Variants in ANKFN1 observed in about 807,000 individuals in gnomAD.
ANKFN1 encodes ankyrin repeat and fibronectin type-III domain-containing protein 1.
ANKFN1 carries 74 observed loss-of-function variants against 108.7 expected under a neutral mutation model. That is an observed-to-expected ratio of 0.68 (90% CI 0.56 to 0.83). ANKFN1 has a LOEUF of 0.83. Among genes scored for constraint, ANKFN1 ranks in the 40% least tolerant of loss-of-function variants. The pLI is 0.00. For synonymous variants in ANKFN1, 547 were observed against 516.2 expected (o/e 1.06, Z -0.81); for missense variants, 1,505 against 1,382.3 (o/e 1.09, Z -1.41).
intron 18 of ANKFN1, among the ~76,000 whole-genome samples, chr17:56,491,371 T>G (rs1036034565): frequency 6.6e-6 from 1 of 152,140 alleles, no homozygotes; most frequent in Non-Finnish European, 1.5e-5. Flanking sequence ...TTCCTCATCC[T>G]ACTAGAATCC....
At chr17:56,150,039 A>AT (rs1908504552), upstream of ANKFN1, among the ~76,000 whole-genome samples, 1 of 152,100 alleles carries the variant, frequency 6.6e-6, no homozygotes, top group Non-Finnish European at 1.5e-5. Context: ...GCATGTTGAC[A>AT]TTTTTTATGA....
intron 6 of ANKFN1, 134 bp downstream of exon 6, chr17:56,354,180 C>T: frequency 1.3e-6 from 1 of 785,966 alleles, no homozygotes; most frequent in East Asian, 2.7e-5. Context: ...TGGATGTTTT[C>T]ATGGGCTTTC....
chr17:56,471,475 C>G (rs976550327), intron 15 of ANKFN1: 1 of 152,138 alleles, frequency 6.6e-6, no homozygotes, highest in Non-Finnish European at 1.5e-5. Context: ...CTTTCTACCC[C>G]CAAGCAGCTC....
chr17:56,484,027 A>C (rs542376044), intron 18 of ANKFN1, among the ~76,000 whole-genome samples: 81 of 152,214 alleles, frequency 5.3e-4, no homozygotes, highest in Non-Finnish European at 1.1e-3. Context: ...CATGGAGGGA[A>C]GGGTATCTGA....
At chr17:56,117,343 G>T (rs1906344684) in intron 4 of ANKFN1, among the ~76,000 whole-genome samples, 1 of 152,134 alleles carries the variant, frequency 6.6e-6, no homozygotes, top group Non-Finnish European at 1.5e-5. Flanking sequence ...TGCATCATTA[G>T]GAGACTATTC....
intron 4 of ANKFN1, among the ~76,000 whole-genome samples, chr17:56,329,770 A>G (rs1042394353): frequency 2.0e-5 from 3 of 152,088 alleles, no homozygotes; most frequent in African/African-American, 7.2e-5. Flanking sequence ...TGAAATCTTA[A>G]CCCCCAAGGT....
intron 1 of ANKFN1, among the ~76,000 whole-genome samples, chr17:56,185,634 C>T (rs1482033347): frequency 6.6e-6 from 1 of 152,116 alleles, no homozygotes; most frequent in African/African-American, 2.4e-5. Flanking sequence ...GCAAACTGCT[C>T]CCTCCCACCA....
intron 9 of ANKFN1, among the ~76,000 whole-genome samples, chr17:56,441,620 A>G (rs2049109023): frequency 6.6e-6 from 1 of 152,096 alleles, no homozygotes; most frequent in South Asian, 2.1e-4. Flanking sequence ...TCATTGCTTA[A>G]AAGAAAAAGT....
chr17:56,219,698 G>C (rs1182935627), intron 2 of ANKFN1, among the ~76,000 whole-genome samples: 2 of 152,152 alleles, frequency 1.3e-5, no homozygotes, highest in Non-Finnish European at 2.9e-5. Context: ...TTCTTAATCT[G>C]GGATTGGCAT....
intron 3 of ANKFN1, among the ~76,000 whole-genome samples, chr17:56,301,677 A>C (rs62073047): frequency 6.6e-6 from 1 of 152,180 alleles, no homozygotes; most frequent in Admixed American, 6.5e-5. Context: ...GCTTCTCTCC[A>C]TCACTAAATT....
Position 56,388,829 on chromosome 17 carries a change from A to T in ANKFN1, c.910+14115A>T, listed in dbSNP as rs533440809. Among the ~76,000 whole-genome samples the T allele has an allele frequency of 2.0e-5, 3 of 152,250 alleles. No individual in the cohort carries two copies. In the South Asian group the frequency reaches 6.2e-4, roughly 32 times the overall value. ...GTAATAACTCACTAGGGTTGCCATT[A>T]GGGAAATGCAAATTAAAACTGCAAT... On this transcript the variant is annotated intron_variant, in intron 8 of 20. Transcript: ENST00000682825.
chr17:56,186,904 C>A (rs557636589), intron 1 of ANKFN1, among the ~76,000 whole-genome samples: 35 of 152,342 alleles, frequency 2.3e-4, no homozygotes, highest in Non-Finnish European at 3.8e-4. Flanking sequence ...GAAACTGGAT[C>A]TCTTCCTTAC....
intron 11 of ANKFN1, among the ~76,000 whole-genome samples, chr17:56,452,064 T>A (rs1419656063): frequency 5.9e-5 from 9 of 152,220 alleles, no homozygotes; most frequent in Non-Finnish European, 1.2e-4. Flanking sequence ...GTGGGTACAC[T>A]GATGTACATA....
intron 4 of ANKFN1, among the ~76,000 whole-genome samples, chr17:56,108,112 T>C (rs1905784369): frequency 6.6e-6 from 1 of 152,196 alleles, no homozygotes; most frequent in African/African-American, 2.4e-5. Flanking sequence ...TCAGCCTAAT[T>C]GCAACCTCTG....
At chr17:56,336,015 G>A (rs1031883180) in intron 4 of ANKFN1, among the ~76,000 whole-genome samples, 3 of 152,136 alleles carry the variant, frequency 2.0e-5, no homozygotes, top group East Asian at 1.9e-4. Context: ...AATGGATTAC[G>A]TTTATTGATT....
chr17:56,128,477 G>C (rs1216234034), intron 4 of ANKFN1, among the ~76,000 whole-genome samples: 1 of 152,158 alleles, frequency 6.6e-6, no homozygotes, highest in Non-Finnish European at 1.5e-5. Context: ...TTCTTTCGTT[G>C]AGTATAGGAG....
At position 56,466,530 on chromosome 17, in the gene ANKFN1, G is replaced by A. The variant is rs1268403813; in HGVS notation, c.1732G>A (p.Glu578Lys). The A allele has an allele frequency of 6.2e-7, 1 of 1,613,704 alleles. No individual in the cohort carries two copies. Among genetic ancestry groups the A allele is most frequent in the East Asian group, 2.2e-5 (1 of 44,802 alleles). The change falls in exon 15 of 21, where the codon GAG (glutamate) becomes AAG (lysine). Residue 578 changes from glutamate (E) to lysine (K), a missense_variant. Glu to Lys is a moderately conservative substitution (Grantham distance 56). Coordinates refer to ENST00000682825, the MANE Select transcript of ANKFN1 (RefSeq NM_001370326.1). ...CCAGAGAAAGTCTCTATCAACACCT[G>A]AGGAGCCAACAGCTTTAGACATTCT... ...QSQRKSLSTP[E>K]EPTALDILLI...
At position 56,262,831 on chromosome 17, in the gene ANKFN1, A is replaced by G. The variant is rs575062450; in HGVS notation, c.53+34874A>G. 9.3e-5 allele frequency among the ~76,000 whole-genome samples: 14 copies of G among 150,554 alleles called. No individual in the cohort carries two copies. The East Asian group carries it at 2.7e-3, about 29-fold the overall frequency. ...CCCCTCACAGAGCAGTAACACAGCAAGATAGTTAGAGAGACGAGCCACAAA... is the reference window on the plus strand; with the variant it reads ...CCCCTCACAGAGCAGTAACACAGCAGGATAGTTAGAGAGACGAGCCACAAA... On this transcript the variant is annotated intron_variant, in intron 3 of 20. Transcript: ENST00000682825.
At chr17:56,380,126 G>A (rs1264306418) in intron 8 of ANKFN1, among the ~76,000 whole-genome samples, 1 of 152,162 alleles carries the variant, frequency 6.6e-6, no homozygotes, top group Non-Finnish European at 1.5e-5. Context: ...GCTGAATTGT[G>A]TGTATTCAGA....
Sources: allele counts gnomAD v4.1 joint callset (sites outside exome capture counted in the v4.1 genomes callset), GRCh38; gene constraint gnomAD v4.1.1; transcripts MANE v1.5; gene names NCBI Gene and HGNC (gene_info 2026-07-23, HGNC 2026-07-21).